Variants in OXR1 observed in about 807,000 individuals in gnomAD.
OXR1 encodes oxidation resistance 1.
OXR1 carries 41 observed loss-of-function variants against 104.6 expected under a neutral mutation model. The ratio of observed to expected loss-of-function variants is 0.39; its 90% CI spans 0.31 to 0.51. The LOEUF is 0.51. OXR1 is among the 20% of genes least tolerant of loss of function. The pLI is 0.77. For synonymous variants in OXR1, 348 were observed against 348.4 expected (o/e 1.00, Z 0.01); for missense variants, 955 against 1,031.9 (o/e 0.93, Z 1.02).
At chr8:106,588,561 C>T (rs186728554) in intron 3 of OXR1, among the ~76,000 whole-genome samples, 11 of 151,218 alleles carry the variant, frequency 7.3e-5, no homozygotes, top group Non-Finnish European at 1.5e-4. Context: ...GATCTTGGCT[C>T]ACTGCAACCT....
intron 3 of OXR1, among the ~76,000 whole-genome samples, chr8:106,584,818 G>C (rs1818511949): frequency 6.6e-6 from 1 of 152,138 alleles, no homozygotes; most frequent in South Asian, 2.1e-4. Context: ...CCTGCACAGG[G>C]TGATTCTAAG....
intron 1 of OXR1, among the ~76,000 whole-genome samples, chr8:106,294,412 A>G (rs112628906): frequency 2.4e-4 from 32 of 131,468 alleles, no homozygotes; most frequent in South Asian, 2.0e-3. Flanking sequence ...AAAAAAAAAA[A>G]AAAGAAAGAA....
At chr8:106,728,335 A>G (rs1587262511) in intron 11 of OXR1, among the ~76,000 whole-genome samples, 1 of 152,086 alleles carries the variant, frequency 6.6e-6, no homozygotes, top group African/African-American at 2.4e-5. Context: ...TCTTTACCCA[A>G]CAAATAATAT....
Position 106,661,728 on chromosome 8 carries a change from A to G in OXR1, c.221-17482A>G, listed in dbSNP as rs532525286. 4.1e-4 allele frequency among the ~76,000 whole-genome samples: 62 copies of G among 152,350 alleles called. 2 individuals are homozygous for G. The Middle Eastern group carries it at 0.01, about 25-fold the overall frequency. On this transcript the variant is annotated intron_variant, in intron 3 of 16. Coordinates refer to ENST00000517566, the MANE Select transcript of OXR1 (RefSeq NM_001198533.2). The stretch of plus-strand genomic sequence containing the variant: ...TGACAGGATTCTTTGAGCACAACTC[A>G]GCCCTTTTACATTTTCTTTTCATTT...
At chr8:106,276,152 G>T (rs958484114) in intron 1 of OXR1, among the ~76,000 whole-genome samples, 1 of 152,180 alleles carries the variant, frequency 6.6e-6, no homozygotes, top group African/African-American at 2.4e-5. Flanking sequence ...TCCTAAAGAA[G>T]GTGAAAGAGA....
At chr8:106,692,700 T>A (rs777743396) in intron 6 of OXR1, 28 bp from the exon 7 acceptor site, 2 of 1,410,460 alleles carry the variant, frequency 1.4e-6, no homozygotes, top group East Asian at 2.4e-5. Context: ...CTGCTTTTTT[T>A]TTTCTTTCCT....
At chr8:106,453,026 G>T (rs1309105974) in intron 2 of OXR1, among the ~76,000 whole-genome samples, 1 of 152,064 alleles carries the variant, frequency 6.6e-6, no homozygotes, top group Non-Finnish European at 1.5e-5. Flanking sequence ...TCACCTCTTT[G>T]TTTTTGCACA....
At chr8:106,691,977 C>CATATA (rs1563712064) in intron 6 of OXR1, among the ~76,000 whole-genome samples, 1 of 133,816 alleles carries the variant, frequency 7.5e-6, no homozygotes, top group Non-Finnish European at 1.6e-5. Flanking sequence ...GTGTGTGTGT[C>CATATA]TATATATATA....
chr8:106,417,684 C>G (rs1488738247), intron 2 of OXR1, among the ~76,000 whole-genome samples: 1 of 152,134 alleles, frequency 6.6e-6, no homozygotes. Context: ...ACAGGACCCA[C>G]TAGGAGTTCC....
chr8:106,288,542 G>GTGTGTATATA (rs148349338), intron 1 of OXR1, among the ~76,000 whole-genome samples: 1 of 147,500 alleles, frequency 6.8e-6, no homozygotes, highest in African/African-American at 2.5e-5. Context: ...GTGTGTGTGT[G>GTGTGTATATA]TATATATATA....
intron 2 of OXR1, among the ~76,000 whole-genome samples, chr8:106,440,917 G>A (rs1586645947): frequency 6.6e-6 from 1 of 152,036 alleles, no homozygotes; most frequent in Non-Finnish European, 1.5e-5. Context: ...TTCCCCATTC[G>A]TACCATATTC....
chr8:106,549,482 C>A (rs564938583), intron 3 of OXR1, among the ~76,000 whole-genome samples: 20 of 152,294 alleles, frequency 1.3e-4, no homozygotes, highest in Non-Finnish European at 1.8e-4. Context: ...TTTATTTCTG[C>A]ACAGGACACA....
intron 3 of OXR1, among the ~76,000 whole-genome samples, chr8:106,574,961 G>GT (rs1817725437): frequency 1.3e-5 from 2 of 152,148 alleles, no homozygotes. Context: ...TCTTTAGTTG[G>GT]TTTTTTATGG....
chr8:106,406,361 A>T (rs1046071291), intron 2 of OXR1, among the ~76,000 whole-genome samples: 1 of 152,166 alleles, frequency 6.6e-6, no homozygotes, highest in Non-Finnish European at 1.5e-5. Context: ...TCATATATAT[A>T]TATAACTATG....
At chr8:106,651,221 C>G (rs1265538778) in intron 3 of OXR1, among the ~76,000 whole-genome samples, 1 of 152,202 alleles carries the variant, frequency 6.6e-6, no homozygotes, top group Non-Finnish European at 1.5e-5. Context: ...TTTTGATCTT[C>G]ACCATCCTGA....
At chr8:106,672,164 A>G (rs1019656723) in intron 3 of OXR1, among the ~76,000 whole-genome samples, 12 of 151,808 alleles carry the variant, frequency 7.9e-5, no homozygotes, top group African/African-American at 2.9e-4. Flanking sequence ...GTCTAAAAGA[A>G]CAGGTAGACA....
intron 1 of OXR1, among the ~76,000 whole-genome samples, chr8:106,356,206 G>A (rs1284995968): frequency 6.6e-6 from 1 of 152,174 alleles, no homozygotes; most frequent in Non-Finnish European, 1.5e-5. Flanking sequence ...ACATTTTAAA[G>A]GGATGGCTCC....
In OXR1 at chr8:106,413,315, G is replaced by A. The variant is rs942510133; in HGVS notation, c.23+53679G>A. On this transcript the variant is annotated intron_variant, in intron 2 of 16. Coordinates refer to ENST00000517566, the MANE Select transcript of OXR1 (RefSeq NM_001198533.2). The stretch of plus-strand genomic sequence containing the variant: ...ATATAGGTAGCTGACCCTGAGAATT[G>A]TATTGTGCTCTCCATGTACTCTCAG... 2.6e-5 allele frequency among the ~76,000 whole-genome samples: 4 copies of A among 152,152 alleles called. No homozygotes were observed. The East Asian group carries it at 7.7e-4, about 29-fold the overall frequency.
At chr8:106,327,205 T>C (rs979016419) in intron 1 of OXR1, among the ~76,000 whole-genome samples, 23 of 152,176 alleles carry the variant, frequency 1.5e-4, no homozygotes, top group African/African-American at 5.1e-4. Context: ...CAGAAAGTAG[T>C]TCAAAAGCAA....
Sources: gnomAD v4.1 joint callset for allele counts (sites outside exome capture counted in the v4.1 genomes callset) on GRCh38, gnomAD v4.1.1 for gene constraint, MANE v1.5 for transcripts, NCBI Gene and HGNC (gene_info 2026-07-23, HGNC 2026-07-21) for gene names.